TRAPPC10: variants seen among roughly 807,000 people sequenced by gnomAD.
The protein encoded by TRAPPC10 is trafficking protein particle complex subunit 10, also known as TRAPP 130 kDa subunit.
TRAPPC10 carries 23 observed loss-of-function variants against 125.5 expected under a neutral mutation model. That is an observed-to-expected ratio of 0.18 (90% CI 0.13 to 0.26). TRAPPC10 has a LOEUF of 0.26. Ranked by LOEUF, TRAPPC10 falls within the 10% of genes least tolerant of loss-of-function variation. TRAPPC10 has a pLI of 1.00. For missense variants in TRAPPC10, 1,123 were observed against 1,308.4 expected (o/e 0.86, Z 2.19); for synonymous variants, 509 against 518.0 (o/e 0.98, Z 0.24).
chr21:44,095,212 T>A (rs2038845658), intron 20 of TRAPPC10, among the ~76,000 whole-genome samples: 2 of 150,962 alleles, frequency 1.3e-5, no homozygotes, highest in South Asian at 4.2e-4. Context: ...CACACCTGGC[T>A]AATTATTTTT....
At chr21:44,047,576 G>A (rs954696687) in intron 3 of TRAPPC10, among the ~76,000 whole-genome samples, 10 of 150,120 alleles carry the variant, frequency 6.7e-5, no homozygotes, top group African/African-American at 2.2e-4. Flanking sequence ...GCGCGCACAC[G>A]CTACATGAAG....
intron 12 of TRAPPC10, 147 bp from the exon 13 acceptor site, chr21:44,079,868 A>G (rs2037558123): frequency 9.2e-7 from 1 of 1,083,896 alleles, no homozygotes; most frequent in African/African-American, 1.6e-5. Context: ...TCGATTTTTT[A>G]TAATCTAATT....
intron 1 of TRAPPC10, among the ~76,000 whole-genome samples, chr21:44,023,169 A>G (rs535344815): frequency 6.6e-6 from 1 of 150,542 alleles, no homozygotes; most frequent in East Asian, 2.0e-4. Flanking sequence ...AGTAGCTGGG[A>G]CTACAGGTGC....
chr21:44,051,227 G>A (rs1601666414), intron 3 of TRAPPC10, among the ~76,000 whole-genome samples: 1 of 152,138 alleles, frequency 6.6e-6, no homozygotes, highest in Non-Finnish European at 1.5e-5. Flanking sequence ...TAACTCACTC[G>A]TGGATACTCT....
At chr21:44,088,211 G>A (rs1174492210) in intron 17 of TRAPPC10, 2 of 461,228 alleles carry the variant, frequency 4.3e-6, no homozygotes, top group Non-Finnish European at 8.0e-6. Flanking sequence ...CATGAGGGGC[G>A]TAAAACTTGG....
At chr21:44,035,568 T>A (rs1474884747) in intron 2 of TRAPPC10, among the ~76,000 whole-genome samples, 3 of 151,998 alleles carry the variant, frequency 2.0e-5, no homozygotes, top group Admixed American at 1.3e-4. Context: ...GCGGGTAGAT[T>A]GGAGTTTAAG....
chr21:44,091,901 A>G, intron 18 of TRAPPC10, 22 bp from the exon 19 acceptor site: 1 of 1,610,356 alleles, frequency 6.2e-7, no homozygotes, highest in Non-Finnish European at 8.5e-7. Flanking sequence ...TCAAAATAAT[A>G]CTTTTTGTTT....
chr21:44,077,820 A>G (rs375354816), intron 11 of TRAPPC10, 36 bp downstream of exon 11: 2 of 1,480,760 alleles, frequency 1.4e-6, no homozygotes, highest in African/African-American at 2.8e-5. Flanking sequence ...AATTCTAAAC[A>G]TACAAATAAC....
At chr21:44,092,282 G>A (rs1018853928) in intron 19 of TRAPPC10, among the ~76,000 whole-genome samples, 3 of 152,174 alleles carry the variant, frequency 2.0e-5, no homozygotes, top group Non-Finnish European at 4.4e-5. Context: ...ATCTGAAACT[G>A]GTCCCACTCT....
chr21:44,054,725 A>G (rs867791677), intron 4 of TRAPPC10, among the ~76,000 whole-genome samples: 1 of 152,192 alleles, frequency 6.6e-6, no homozygotes, highest in Non-Finnish European at 1.5e-5. Context: ...ATGTTAAGCC[A>G]TGTTCTAAGC....
At chr21:44,065,068 T>C (rs2036338340) in intron 7 of TRAPPC10, among the ~76,000 whole-genome samples, 1 of 152,148 alleles carries the variant, frequency 6.6e-6, no homozygotes, top group Non-Finnish European at 1.5e-5. Flanking sequence ...GGATTTCACC[T>C]GATGTTGAGA....
intron 3 of TRAPPC10, among the ~76,000 whole-genome samples, chr21:44,047,565 T>TGTGTGTGTGTGTGTGTGTGTGTGTGCGC (rs954810521): frequency 6.8e-4 from 100 of 147,184 alleles, no homozygotes; most frequent in African/African-American, 2.3e-3. Flanking sequence ...TGTGTGTGTG[T>TGTGTGTGTGTGTGTGTGTGTGTGTGCGC]GCGCGCACAC....
chr21:44,092,783 T>A (rs867034900), intron 19 of TRAPPC10, among the ~76,000 whole-genome samples: 2 of 152,114 alleles, frequency 1.3e-5, no homozygotes, highest in Admixed American at 6.5e-5. Context: ...ACTTTTTATC[T>A]TATTTTTTAA....
intron 10 of TRAPPC10, among the ~76,000 whole-genome samples, chr21:44,077,240 C>T (rs1601772194): frequency 6.6e-6 from 1 of 152,250 alleles, no homozygotes; most frequent in South Asian, 2.1e-4. Context: ...TTATATATTA[C>T]AGAAAAATTC....
At chr21:44,093,943 C>A in intron 19 of TRAPPC10, 120 bp from the exon 20 acceptor site, 1 of 1,039,140 alleles carries the variant, frequency 9.6e-7, no homozygotes, top group Non-Finnish European at 1.4e-6. Flanking sequence ...TGCTGTGAGG[C>A]GGGGCCTGCC....
At chr21:44,051,299 G>A (rs1218511943) in intron 3 of TRAPPC10, among the ~76,000 whole-genome samples, 1 of 152,188 alleles carries the variant, frequency 6.6e-6, no homozygotes, top group African/African-American at 2.4e-5. Context: ...AGGAATTAGG[G>A]CAGGACAGTG....
intron 15 of TRAPPC10, among the ~76,000 whole-genome samples, chr21:44,085,391 A>G (rs1431451930): frequency 6.6e-6 from 1 of 152,180 alleles, no homozygotes; most frequent in African/African-American, 2.4e-5. Context: ...CCTGCTTAGA[A>G]GTACGTTTCA....
At chr21:44,032,207 C>T (rs760928760) in intron 2 of TRAPPC10, 35 bp downstream of exon 2, 4 of 1,535,980 alleles carry the variant, frequency 2.6e-6, no homozygotes, top group Non-Finnish European at 3.6e-6. Context: ...GTATCCCTCT[C>T]TTCATTTTTT....
intron 3 of TRAPPC10, among the ~76,000 whole-genome samples, chr21:44,048,749 C>T: frequency 6.6e-6 from 1 of 151,722 alleles, no homozygotes; most frequent in East Asian, 1.9e-4. Flanking sequence ...CCACCTCAGC[C>T]TCCCAAAGTG....
Sources: gnomAD v4.1 joint callset for allele counts (sites outside exome capture counted in the v4.1 genomes callset) on GRCh38, gnomAD v4.1.1 for gene constraint, MANE v1.5 for transcripts, NCBI Gene and HGNC (gene_info 2026-07-23, HGNC 2026-07-21) for gene names.